Variants in TXLNB observed in about 807,000 individuals in gnomAD.
The protein encoded by TXLNB is beta-taxilin.
In TXLNB, 37 loss-of-function variants were observed where a neutral mutation model predicts 57.4. The ratio of observed to expected loss-of-function variants is 0.64; its 90% CI spans 0.50 to 0.85. The LOEUF (loss-of-function observed/expected upper bound fraction) is 0.85, where lower values mean the gene tolerates loss of function less well. Among genes scored for constraint, TXLNB ranks in the 40% least tolerant of loss-of-function variants. The pLI, the probability that TXLNB is intolerant of heterozygous loss-of-function variation, is 0.00. For synonymous variants in TXLNB, 302 were observed against 309.6 expected (o/e 0.98, Z 0.26); for missense variants, 848 against 825.6 (o/e 1.03, Z -0.33).
the TXLNB span, among the ~76,000 whole-genome samples, chr6:139,207,843 A>T: frequency 6.6e-6 from 1 of 152,164 alleles, no homozygotes; most frequent in Non-Finnish European, 1.5e-5. Flanking sequence ...TGGGAGGCCG[A>T]GGTGGGCAGA....
intron 4 of TXLNB, among the ~76,000 whole-genome samples, chr6:139,268,735 C>G (rs955489086): frequency 3.9e-5 from 6 of 152,244 alleles, no homozygotes; most frequent in Admixed American, 3.3e-4. Context: ...CTTAGCATAA[C>G]TTCTGGCATA....
At chr6:139,270,406 C>A in intron 4 of TXLNB, 50 bp downstream of exon 4, 2 of 1,554,304 alleles carry the variant, frequency 1.3e-6, no homozygotes, top group Non-Finnish European at 8.7e-7. Context: ...AGAGGCCTGT[C>A]TCTGTGCCCC....
chr6:139,321,610 G>T, the TXLNB span, among the ~76,000 whole-genome samples: 27 of 101,322 alleles, frequency 2.7e-4, no homozygotes, highest in Middle Eastern at 6.7e-3. Flanking sequence ...TTACATTTAT[G>T]TCTCTAGCCC....
the TXLNB span, among the ~76,000 whole-genome samples, chr6:139,302,403 C>T: frequency 2.0e-5 from 3 of 151,536 alleles, no homozygotes; most frequent in African/African-American, 7.3e-5. Context: ...AAAACAGCAA[C>T]CACAAAAATG....
chr6:139,206,177 T>C, the TXLNB span, among the ~76,000 whole-genome samples: 2 of 152,172 alleles, frequency 1.3e-5, no homozygotes, highest in African/African-American at 4.8e-5. Flanking sequence ...CTAAAAGGGC[T>C]TCTAAGTCTT....
At chr6:139,160,481 G>A in the TXLNB span, among the ~76,000 whole-genome samples, 2 of 152,244 alleles carry the variant, frequency 1.3e-5, no homozygotes, top group East Asian at 1.9e-4. Context: ...ACTCATTGCC[G>A]AGGCTCACTG....
At chr6:139,236,004 G>T (rs1245614450), downstream of TXLNB, among the ~76,000 whole-genome samples, 2 of 152,112 alleles carry the variant, frequency 1.3e-5, no homozygotes, top group Non-Finnish European at 2.9e-5. Context: ...GAAGAGTCCG[G>T]ACGCTGGGCA....
At chr6:139,246,667 C>T (rs1455087192) in intron 8 of TXLNB, among the ~76,000 whole-genome samples, 1 of 152,098 alleles carries the variant, frequency 6.6e-6, no homozygotes, top group Non-Finnish European at 1.5e-5. Context: ...GTAATCCCAG[C>T]ACTTTGAGAG....
chr6:139,228,424 G>A, the TXLNB span, among the ~76,000 whole-genome samples: 1 of 151,614 alleles, frequency 6.6e-6, no homozygotes, highest in Non-Finnish European at 1.5e-5. Context: ...TACTTGGGAG[G>A]CTGAGGCAGG....
the TXLNB span, among the ~76,000 whole-genome samples, chr6:139,195,819 G>C: frequency 6.6e-6 from 1 of 151,966 alleles, no homozygotes; most frequent in South Asian, 2.1e-4. Flanking sequence ...TTGAATAATG[G>C]TTATATTGAG....
At chr6:139,226,155 C>T in the TXLNB span, among the ~76,000 whole-genome samples, 3 of 151,436 alleles carry the variant, frequency 2.0e-5, no homozygotes, top group South Asian at 6.3e-4. Flanking sequence ...CAAAATTAGC[C>T]AGGCTGGTGA....
downstream of TXLNB, among the ~76,000 whole-genome samples, chr6:139,236,229 C>G (rs1040488890): frequency 3.7e-4 from 57 of 152,288 alleles, no homozygotes; most frequent in African/African-American, 1.3e-3. Context: ...CTGATTAATG[C>G]AAGCCACCTG....
intron 4 of TXLNB, among the ~76,000 whole-genome samples, chr6:139,265,254 G>A (rs145938723): frequency 3.5e-4 from 54 of 152,232 alleles, no homozygotes; most frequent in African/African-American, 1.3e-3. Context: ...CATTTCTTTA[G>A]GAAAATCATG....
the TXLNB span, among the ~76,000 whole-genome samples, chr6:139,319,629 G>A: frequency 6.6e-6 from 1 of 152,054 alleles, no homozygotes; most frequent in Non-Finnish European, 1.5e-5. Context: ...GCTGGGCATG[G>A]TGGCATGTAC....
chr6:139,180,994 A>G, the TXLNB span, among the ~76,000 whole-genome samples: 1 of 152,224 alleles, frequency 6.6e-6, no homozygotes, highest in African/African-American at 2.4e-5. Context: ...CATGTATCAC[A>G]TGTAAACTCA....
chr6:139,253,246 G>T (rs73558601), intron 7 of TXLNB, among the ~76,000 whole-genome samples: 6 of 152,104 alleles, frequency 3.9e-5, no homozygotes, highest in Admixed American at 1.3e-4. Context: ...AAATGCTTTG[G>T]ATGCATGATT....
At chr6:139,289,174 G>A (rs1343797603) in intron 1 of TXLNB, among the ~76,000 whole-genome samples, 1 of 152,204 alleles carries the variant, frequency 6.6e-6, no homozygotes, top group Non-Finnish European at 1.5e-5. Flanking sequence ...AGACAGCCTG[G>A]TGCCGCGCCC....
Position 139,288,713 on chromosome 6 carries a change from G to T in TXLNB, c.187C>A (p.Leu63Met). 1 of 1,614,152 alleles carries T rather than the reference G, an allele frequency of 6.2e-7. No homozygotes were observed. The highest frequency in any genetic ancestry group is 8.5e-7 in the Non-Finnish European group (1 of 1,180,030). ...PDISEELNRQ[L>M]EDIINTYGSA... ...CCATAAGTGTTAATGATGTCTTCCA[G>T]CTGTCGATTCAGCTCTTCAGAGATA... The change falls in exon 2 of 10, where the codon CTG (leucine) becomes ATG (methionine). Residue 63 changes from leucine (L) to methionine (M), a missense_variant. Physicochemically the swap from Leu to Met is conservative, Grantham distance 15 (BLOSUM62 2). Coordinates refer to ENST00000358430, the MANE Select transcript of TXLNB (RefSeq NM_153235.4).
chr6:139,178,334 C>G, the TXLNB span: 1 of 152,098 alleles, frequency 6.6e-6, no homozygotes, highest in Non-Finnish European at 1.5e-5. Flanking sequence ...TTTAAATAGA[C>G]TGACGTCGCA....
Sources: gnomAD v4.1 joint callset for allele counts (sites outside exome capture counted in the v4.1 genomes callset) on GRCh38, gnomAD v4.1.1 for gene constraint, MANE v1.5 for transcripts, NCBI Gene and HGNC (gene_info 2026-07-23, HGNC 2026-07-21) for gene names.